Variants in ARHGAP39 observed in about 807,000 individuals in gnomAD.
ARHGAP39 encodes the protein Rho GTPase activating protein 39.
Under a neutral mutation model 106.9 loss-of-function variants are expected in ARHGAP39, and 44 were observed. The observed-to-expected ratio is 0.41, with a 90% CI of 0.32 to 0.53. ARHGAP39 has a LOEUF of 0.53. ARHGAP39 is among the 20% of genes least tolerant of loss of function. The pLI is 0.21. For missense variants in ARHGAP39, 1,496 were observed against 1,577.3 expected (o/e 0.95, Z 0.87); for synonymous variants, 768 against 693.2 (o/e 1.11, Z -1.69).
intron 1 of ARHGAP39, among the ~76,000 whole-genome samples, chr8:144,659,431 T>C (rs1382515641): frequency 6.6e-6 from 1 of 152,186 alleles, no homozygotes; most frequent in Non-Finnish European, 1.5e-5. Flanking sequence ...AAAACTAAAG[T>C]TTCACGTGTT....
chr8:144,556,394 C>A (rs896127183), intron 3 of ARHGAP39, among the ~76,000 whole-genome samples: 4 of 152,026 alleles, frequency 2.6e-5, no homozygotes, highest in Admixed American at 1.3e-4. Flanking sequence ...AGGCGATTAT[C>A]CCGACAGATA....
At chr8:144,620,544 T>C (rs977475398) in intron 1 of ARHGAP39, among the ~76,000 whole-genome samples, 3 of 146,240 alleles carry the variant, frequency 2.1e-5, no homozygotes, top group African/African-American at 5.6e-5. Context: ...TGAGAGCATA[T>C]ATGCCCGTGT....
chr8:144,538,801 C>A (rs1817068289), intron 6 of ARHGAP39, among the ~76,000 whole-genome samples: 1 of 152,116 alleles, frequency 6.6e-6, no homozygotes, highest in Non-Finnish European at 1.5e-5. Context: ...GAACTCTTGA[C>A]CTCAAATGAT....
intron 1 of ARHGAP39, among the ~76,000 whole-genome samples, chr8:144,649,433 G>A (rs1480316659): frequency 1.3e-5 from 2 of 150,860 alleles, no homozygotes; most frequent in African/African-American, 4.9e-5. Context: ...CTGGGTGACA[G>A]AGCGAGACTC....
At chr8:144,678,514 A>G (rs989320508) in intron 1 of ARHGAP39, among the ~76,000 whole-genome samples, 3 of 152,210 alleles carry the variant, frequency 2.0e-5, no homozygotes, top group African/African-American at 7.2e-5. Flanking sequence ...AGGGACGCCA[A>G]GAAAGACTTG....
Position 144,663,881 on chromosome 8 carries a change from G to A in ARHGAP39, c.-82+21805C>T, listed in dbSNP as rs574463434. Among the ~76,000 whole-genome samples, 11 of 152,300 alleles carry A rather than the reference G, an allele frequency of 7.2e-5. No individual in the cohort carries two copies. The East Asian group carries it at 1.9e-3, about 27-fold the overall frequency. The stretch of plus-strand genomic sequence containing the variant: ...CTCAATAAACAAGATTAAAACAAAT[G>A]AGGAGCCAGGTGCAGTGGCTCATGC... On this transcript the variant is annotated intron_variant, in intron 1 of 11. Transcript: ENST00000377307.
chr8:144,655,876 A>C (rs1023497474), intron 1 of ARHGAP39, among the ~76,000 whole-genome samples: 31 of 152,210 alleles, frequency 2.0e-4, no homozygotes, highest in African/African-American at 7.2e-4. Flanking sequence ...ACCAAAGTTC[A>C]GTCTTATCCA....
intron 3 of ARHGAP39, among the ~76,000 whole-genome samples, chr8:144,573,031 G>T (rs185953028): frequency 6.6e-6 from 1 of 152,208 alleles, no homozygotes; most frequent in Non-Finnish European, 1.5e-5. Context: ...AACCATTGTG[G>T]AAGACAGTGT....
chr8:144,588,340 G>A (rs1005460062), intron 2 of ARHGAP39, among the ~76,000 whole-genome samples: 1 of 152,262 alleles, frequency 6.6e-6, no homozygotes, highest in African/African-American at 2.4e-5. Context: ...AACCAACGGT[G>A]ATGCCAGAGG....
intron 8 of ARHGAP39, among the ~76,000 whole-genome samples, chr8:144,533,795 C>G (rs761979027): frequency 6.6e-6 from 1 of 152,140 alleles, no homozygotes; most frequent in Non-Finnish European, 1.5e-5. Flanking sequence ...ATGGGAGCAG[C>G]GCATCAGAGA....
At chr8:144,532,156 G>T in intron 10 of ARHGAP39, 149 bp downstream of exon 10, 1 of 710,082 alleles carries the variant, frequency 1.4e-6, no homozygotes, top group South Asian at 1.7e-5. Context: ...ACTGTCCAAT[G>T]GGCAGAAGGG....
In ARHGAP39 at chr8:144,532,288, G is replaced by A. The variant is rs768030114; in HGVS notation, c.2980+17C>T. On this transcript the variant is annotated intron_variant, in intron 10 of 11. Coordinates refer to ENST00000377307, the MANE Select transcript of ARHGAP39 (RefSeq NM_025251.3). The stretch of plus-strand genomic sequence containing the variant: ...TGAGCCAGGCCCGCTCTGCTGCAGC[G>A]TGTGTGGGGGACTCACCAGGGACGT... 1.8e-5 allele frequency: 29 copies of A among 1,610,696 alleles called. No homozygotes were observed. The highest frequency in any genetic ancestry group is 6.7e-5 in the East Asian group (3 of 44,884).
intron 1 of ARHGAP39, among the ~76,000 whole-genome samples, chr8:144,674,116 G>A (rs549038959): frequency 1.8e-4 from 27 of 151,564 alleles, no homozygotes; most frequent in Non-Finnish European, 3.5e-4. Flanking sequence ...TACCTGCAAC[G>A]TGGTGAGTGG....
At chr8:144,552,762 A>G (rs1415223617) in intron 4 of ARHGAP39, among the ~76,000 whole-genome samples, 1 of 151,308 alleles carries the variant, frequency 6.6e-6, no homozygotes, top group Non-Finnish European at 1.5e-5. Context: ...CACTGTACTC[A>G]GGGCTGGGCC....
At chr8:144,689,196 C>T (rs898250237), upstream of ARHGAP39, among the ~76,000 whole-genome samples, 2 of 151,936 alleles carry the variant, frequency 1.3e-5, no homozygotes, top group Admixed American at 6.6e-5. Context: ...GCCCAGGGCT[C>T]GCCTGGCGCA....
chr8:144,613,937 G>T (rs1176312247), intron 1 of ARHGAP39, among the ~76,000 whole-genome samples: 1 of 152,136 alleles, frequency 6.6e-6, no homozygotes, highest in East Asian at 1.9e-4. Context: ...TGATGCTCTT[G>T]TTTGTTTTAA....
Position 144,547,538 on chromosome 8 carries a change from C to T in ARHGAP39, c.1548G>A (p.Leu516=). Residue 516 remains leucine, a synonymous_variant, in exon 5 of 12, where the codon CTG becomes CTA. Coordinates refer to ENST00000377307, the MANE Select transcript of ARHGAP39 (RefSeq NM_025251.3). This position sits in a 1 kb window ranked among gnomAD's most constrained non-coding sequence, Gnocchi z 5.2. ...CCTCGGCCAGGGGCTGCTCCACAAG[C>T]AGGTCCCCGGGGCCCTCAGTGGGGG... is the stretch of plus-strand genomic sequence containing the variant. The part of the protein sequence containing the change: ...SATPTEGPGD[L]LVEQPLAEEQ... 2 of 1,477,962 alleles carry T rather than the reference C, an allele frequency of 1.4e-6. No homozygotes were observed. The highest frequency in any genetic ancestry group is 1.8e-6 in the Non-Finnish European group (2 of 1,117,850). 91.6% of individuals were successfully genotyped at this position (1,477,962 alleles called of 1,614,324 possible).
At chr8:144,615,176 C>T (rs1228794278) in intron 1 of ARHGAP39, among the ~76,000 whole-genome samples, 1 of 152,178 alleles carries the variant, frequency 6.6e-6, no homozygotes, top group Non-Finnish European at 1.5e-5. Flanking sequence ...CAATGATTAG[C>T]TGGGCGTGGT....
In ARHGAP39 at chr8:144,646,315, G is replaced by A. The variant is rs750291094; in HGVS notation, c.-82+39371C>T. 5.9e-5 allele frequency among the ~76,000 whole-genome samples: 9 copies of A among 152,166 alleles called. No homozygotes were observed. Among genetic ancestry groups the A allele is most frequent in the East Asian group, 1.9e-4 (1 of 5,200 alleles). On this transcript the variant is annotated intron_variant, in intron 1 of 11. Coordinates refer to ENST00000377307, the MANE Select transcript of ARHGAP39 (RefSeq NM_025251.3). The surrounding 1 kb of genome is among the most constrained non-coding windows in gnomAD (Gnocchi z 5.7). ...ACAAGGGCGCCTGTGTTGTTTCATC[G>A]GCAATAAAAGTGGTACTGGGAGTTG...
Sources: allele counts gnomAD v4.1 joint callset (sites outside exome capture counted in the v4.1 genomes callset), GRCh38; gene constraint gnomAD v4.1.1; non-coding constraint Gnocchi (gnomAD v3.1); transcripts MANE v1.5; gene names NCBI Gene and HGNC (gene_info 2026-07-23, HGNC 2026-07-21).